Variants in HROB observed in about 807,000 individuals in gnomAD.
The protein encoded by HROB is homologous recombination factor with OB-fold.
Under a neutral mutation model 61.0 loss-of-function variants are expected in HROB, and 44 were observed. The ratio of observed to expected loss-of-function variants is 0.72; its 90% CI spans 0.57 to 0.93. The LOEUF (loss-of-function observed/expected upper bound fraction) is 0.93. Ranked by LOEUF, HROB falls within the 40% of genes least tolerant of loss-of-function variation. The pLI, the probability that HROB is intolerant of heterozygous loss-of-function variation, is 0.00. For synonymous variants in HROB, 301 were observed against 310.4 expected, an observed-to-expected ratio of 0.97 and a Z score of 0.32; for missense variants, 716 against 796.2, an observed-to-expected ratio of 0.90 and a Z score of 1.21.
At chr17:44,159,637 C>T (rs2054072975) in intron 9 of HROB, among the ~76,000 whole-genome samples, 1 of 152,244 alleles carries the variant, frequency 6.6e-6, no homozygotes, top group Non-Finnish European at 1.5e-5. Context: ...GAGTGTGAGT[C>T]ATCTCAAAAG....
chr17:44,162,111 C>A lies in HROB; in HGVS notation c.*179C>A. The stretch of plus-strand genomic sequence containing the variant: ...AGCCCCCTCATCTCTGCGCTGCCCT[C>A]ACTTTGGGCCTTCCTTTGCCGTTGG... On this transcript the variant is annotated 3_prime_UTR_variant, in exon 10 of 10. Transcript: ENST00000585683. 1 of 581,236 alleles carries A rather than the reference C, an allele frequency of 1.7e-6. No homozygotes were observed. The allele number at this position is 581,236 out of a possible 1,614,324, so 36.0% of individuals were successfully genotyped here. A position where few individuals can be genotyped will look rare whatever the true frequency, so the allele number is the denominator to read the frequency against.
rs2053729400 is a variant in HROB at position 44,149,390 on chromosome 17, A to G, written c.1224+363A>G. ...CAGCCTCTTGAGTAGCTGGGACTAC[A>G]GGCCCCCGCCACCATGCCTGGCTAA... On this transcript the variant is annotated intron_variant, in intron 3 of 9. Coordinates refer to ENST00000585683, the MANE Select transcript of HROB (RefSeq NM_001171251.3). 1.3e-5 allele frequency among the ~76,000 whole-genome samples: 2 copies of G among 152,010 alleles called. 1 individual carries two copies. Among genetic ancestry groups the G allele is most frequent in the East Asian group, 3.9e-4 (2 of 5,176 alleles).
Position 44,142,028 on chromosome 17 carries a change from A to T in HROB, c.-115A>T. 4.3e-6 allele frequency: 6 copies of T among 1,395,692 alleles called. No individual in the cohort carries two copies. Among genetic ancestry groups the T allele is most frequent in the Non-Finnish European group, 5.8e-6 (6 of 1,032,686 alleles). The allele number at this position is 1,395,692 out of a possible 1,614,324, so 86.5% of individuals were successfully genotyped here. On this transcript the variant is annotated 5_prime_UTR_variant, in exon 1 of 10. The change creates a premature stop within an existing upstream ORF in the 5' untranslated region. Coordinates refer to ENST00000585683, the MANE Select transcript of HROB (RefSeq NM_001171251.3). ...ACTCATCCCTCTGACCCCAGCCCGG[A>T]AGCACTGTCCCTCGGAGTCCGAGAC...
chr17:44,156,001 C>T (rs2053958487), intron 8 of HROB, among the ~76,000 whole-genome samples: 1 of 151,958 alleles, frequency 6.6e-6, no homozygotes, highest in South Asian at 2.1e-4. Context: ...CCTGCCCCCA[C>T]CACCTTCCTA....
intron 3 of HROB, among the ~76,000 whole-genome samples, 186 bp from the exon 4 acceptor site, chr17:44,150,775 A>C (rs1378421404): frequency 6.6e-6 from 1 of 152,116 alleles, no homozygotes; most frequent in Non-Finnish European, 1.5e-5. Flanking sequence ...ACGTTTTCAA[A>C]CCAATCCCCA....
Position 44,147,823 on chromosome 17 carries a change from A to C in HROB, c.55-35A>C, listed in dbSNP as rs1449495599. ...AAAAGCAGAGGGGTTCTTGATTTCC[A>C]GATGCCAAGACCTACCATCTCTGCT... On this transcript the variant is annotated intron_variant, in intron 2 of 9. Coordinates refer to ENST00000585683, the MANE Select transcript of HROB (RefSeq NM_001171251.3). 1.9e-6 allele frequency: 3 copies of C among 1,568,718 alleles called. No homozygotes were observed. In the African/African-American group the frequency reaches 4.1e-5, roughly 21 times the overall value.
intron 3 of HROB, among the ~76,000 whole-genome samples, chr17:44,149,286 A>G (rs960719888): frequency 1.3e-5 from 2 of 151,662 alleles, no homozygotes; most frequent in South Asian, 2.1e-4. Context: ...TCTTGCTGCA[A>G]CATCCAGGCT....
chr17:44,159,333 CTG>C (rs2054063211), intron 9 of HROB, among the ~76,000 whole-genome samples: 3 of 152,114 alleles, frequency 2.0e-5, no homozygotes, highest in Non-Finnish European at 4.4e-5. Flanking sequence ...ATTATTATAA[CTG>C]AGAAAAAAAC....
intron 8 of HROB, among the ~76,000 whole-genome samples, chr17:44,156,511 AC>A (rs1449281964): frequency 5.3e-5 from 8 of 152,128 alleles, no homozygotes; most frequent in African/African-American, 1.9e-4. Context: ...GGCATGAGCC[AC>A]CGTGCTCGGC....
chr17:44,149,651 C>A (rs1178278441), intron 3 of HROB, among the ~76,000 whole-genome samples: 1 of 152,080 alleles, frequency 6.6e-6, no homozygotes, highest in South Asian at 2.1e-4. Flanking sequence ...GCCATTCTCC[C>A]GCCTTAGCCT....
At chr17:44,151,244 G>A in intron 4 of HROB, among the ~76,000 whole-genome samples, 200 bp downstream of exon 4, 1 of 152,282 alleles carries the variant, frequency 6.6e-6, no homozygotes, top group East Asian at 1.9e-4. Context: ...GTGCCAGGTA[G>A]GTATTATCTG....
chr17:44,158,051 C>T, intron 9 of HROB, 110 bp downstream of exon 9: 1 of 744,918 alleles, frequency 1.3e-6, no homozygotes, highest in African/African-American at 1.8e-5. Context: ...ATCTTTGGAT[C>T]TTATATAATC....
intron 4 of HROB, 79 bp from the exon 5 acceptor site, chr17:44,152,558 C>A (rs554201273): frequency 6.6e-7 from 1 of 1,517,308 alleles, no homozygotes; most frequent in Admixed American, 1.9e-5. Context: ...CTCTCTCACC[C>A]TTCCACCCTG....
At chr17:44,157,405 CT>C (rs71160088) in intron 8 of HROB, among the ~76,000 whole-genome samples, 184 of 81,470 alleles carry the variant, frequency 2.3e-3, no homozygotes, top group East Asian at 3.9e-3. Context: ...CATCATGTTT[CT>C]TTTTTTTTTT....
At chr17:44,144,227 G>T (rs192253630) in intron 1 of HROB, among the ~76,000 whole-genome samples, 2 of 151,602 alleles carry the variant, frequency 1.3e-5, no homozygotes, top group African/African-American at 4.9e-5. Flanking sequence ...TGCAACCTCT[G>T]CCTCCCAGTT....
At chr17:44,160,295 CGGT>C (rs1567725053) in intron 9 of HROB, among the ~76,000 whole-genome samples, 1 of 152,138 alleles carries the variant, frequency 6.6e-6, no homozygotes, top group Non-Finnish European at 1.5e-5. Context: ...TAGCTGGGCA[CGGT>C]GGCTCACTCC....
chr17:44,152,584 T>C, intron 4 of HROB, 53 bp from the exon 5 acceptor site: 1 of 1,582,296 alleles, frequency 6.3e-7, no homozygotes, highest in Non-Finnish European at 8.6e-7. Flanking sequence ...ATCAAGAGTC[T>C]GTAGCAAGGT....
At chr17:44,143,874 C>T (rs1251825747) in intron 1 of HROB, among the ~76,000 whole-genome samples, 1 of 145,720 alleles carries the variant, frequency 6.9e-6, no homozygotes, top group Non-Finnish European at 1.5e-5. Context: ...GGAGAACTGC[C>T]CTTGCTCCCC....
chr17:44,146,500 G>C (rs1393003686), intron 2 of HROB, among the ~76,000 whole-genome samples: 1 of 152,148 alleles, frequency 6.6e-6, no homozygotes, highest in Admixed American at 6.6e-5. Flanking sequence ...GTGATGATGG[G>C]ACTGCTAAGT....
Sources: allele counts gnomAD v4.1 joint callset (sites outside exome capture counted in the v4.1 genomes callset), GRCh38; gene constraint gnomAD v4.1.1; transcripts MANE v1.5; gene names NCBI Gene and HGNC (gene_info 2026-07-23, HGNC 2026-07-21).